Variants in NAALADL2 observed in about 807,000 individuals in gnomAD.
NAALADL2 encodes N-acetylated alpha-linked acidic dipeptidase like 2, also known as inactive N-acetylated-alpha-linked acidic dipeptidase-like protein 2.
A neutral mutation model predicts 87.2 loss-of-function variants in NAALADL2; 76 were observed. The ratio of observed to expected loss-of-function variants is 0.87; its 90% CI spans 0.72 to 1.05. The LOEUF (loss-of-function observed/expected upper bound fraction) is 1.05. NAALADL2 is among the 50% of genes least tolerant of loss of function. The pLI is 0.00. For synonymous variants in NAALADL2, 354 were observed against 331.0 expected (o/e 1.07, Z -0.75); for missense variants, 1,089 against 945.8 (o/e 1.15, Z -1.99).
chr3:174,828,104 G>T (rs377463879), intron 3 of NAALADL2, among the ~76,000 whole-genome samples: 1 of 152,100 alleles, frequency 6.6e-6, no homozygotes. Context: ...GATTGCTTGA[G>T]CCCAGGAATG....
chr3:174,974,998 A>G (rs1744187900), intron 1 of NAALADL2, among the ~76,000 whole-genome samples: 1 of 152,136 alleles, frequency 6.6e-6, no homozygotes, highest in African/African-American at 2.4e-5. Flanking sequence ...TTTTCTTTAC[A>G]GTCAATTTGT....
chr3:175,355,959 G>C (rs1021711567), intron 5 of NAALADL2, among the ~76,000 whole-genome samples: 2 of 152,138 alleles, frequency 1.3e-5, no homozygotes, highest in Non-Finnish European at 1.5e-5. Context: ...AGAATTATAA[G>C]CACAAGTAGG....
At chr3:174,847,817 A>AAT (rs200328557) in intron 3 of NAALADL2, among the ~76,000 whole-genome samples, 11 of 146,818 alleles carry the variant, frequency 7.5e-5, no homozygotes, top group Non-Finnish European at 9.0e-5. Flanking sequence ...AAAAAAAAAA[A>AAT]GCACATCCAT....
intron 13 of NAALADL2, among the ~76,000 whole-genome samples, chr3:175,770,445 AAAT>A (rs1448596315): frequency 6.6e-6 from 1 of 152,198 alleles, no homozygotes; most frequent in Non-Finnish European, 1.5e-5. Context: ...TTAAATGACT[AAAT>A]AATCTTGAGA....
At chr3:175,155,013 C>T (rs896733530) in intron 2 of NAALADL2, among the ~76,000 whole-genome samples, 4 of 152,082 alleles carry the variant, frequency 2.6e-5, no homozygotes, top group Non-Finnish European at 5.9e-5. Flanking sequence ...AAAAGGATTC[C>T]CTCAGATTTT....
intron 5 of NAALADL2, among the ~76,000 whole-genome samples, chr3:175,356,498 C>A (rs1051498808): frequency 1.3e-5 from 2 of 150,750 alleles, no homozygotes; most frequent in African/African-American, 4.9e-5. Context: ...TTGTTTGAGC[C>A]CAAGAGGTTG....
Position 174,819,429 on chromosome 3 carries a change from A to G in NAALADL2, c.-9+81683A>G, listed in dbSNP as rs548625301. On this transcript the variant is annotated intron_variant, in intron 3 of 3. Transcript: ENST00000434257. The stretch of plus-strand genomic sequence containing the variant: ...TTAAAATTTTTATAAACAATCAGCA[A>G]AAAAGCAATAATATATTAAAAGTAA... 2.0e-4 allele frequency among the ~76,000 whole-genome samples: 31 copies of G among 152,122 alleles called. No homozygotes were observed. In the South Asian group the frequency reaches 2.1e-3, roughly 10 times the overall value.
At chr3:174,601,712 G>A (rs900309778) in intron 2 of NAALADL2, among the ~76,000 whole-genome samples, 5 of 151,954 alleles carry the variant, frequency 3.3e-5, no homozygotes, top group African/African-American at 1.2e-4. Flanking sequence ...TCTTAAGAAG[G>A]TTTTGTCCAC....
At chr3:174,559,356 G>C (rs570042417) in intron 2 of NAALADL2, among the ~76,000 whole-genome samples, 43 of 152,282 alleles carry the variant, frequency 2.8e-4, no homozygotes, top group African/African-American at 9.1e-4. Context: ...ATATGCTTCA[G>C]AAGGAATTTG....
chr3:175,151,812 AAG>A (rs1418745956), intron 2 of NAALADL2, among the ~76,000 whole-genome samples: 4 of 152,336 alleles, frequency 2.6e-5, no homozygotes, highest in Non-Finnish European at 4.4e-5. Flanking sequence ...TAACAATAAA[AAG>A]AATAAATCAT....
intron 10 of NAALADL2, among the ~76,000 whole-genome samples, chr3:175,596,446 A>T (rs532011327): frequency 1.3e-5 from 2 of 152,144 alleles, no homozygotes; most frequent in Admixed American, 1.3e-4. Context: ...TATCCATTGT[A>T]AATATAGGAA....
intron 5 of NAALADL2, among the ~76,000 whole-genome samples, chr3:175,395,926 C>T (rs1157699310): frequency 6.6e-6 from 1 of 152,110 alleles, no homozygotes; most frequent in Non-Finnish European, 1.5e-5. Context: ...CTTCTAGTTC[C>T]TTTGTTACTT....
At chr3:174,787,604 T>TATATATATACATAC (rs1553855447) in intron 3 of NAALADL2, among the ~76,000 whole-genome samples, 1 of 87,944 alleles carries the variant, frequency 1.1e-5, no homozygotes, top group Non-Finnish European at 2.4e-5. Flanking sequence ...TATATATATA[T>TATATATATACATAC]ATATATATAT....
intron 4 of NAALADL2, among the ~76,000 whole-genome samples, chr3:175,269,828 C>G (rs1242043961): frequency 2.0e-5 from 3 of 152,172 alleles, no homozygotes; most frequent in Non-Finnish European, 4.4e-5. Flanking sequence ...GATAGCTTCT[C>G]TCAGTATTAG....
At chr3:174,880,288 A>T (rs529292376) in intron 1 of NAALADL2, among the ~76,000 whole-genome samples, 1 of 152,112 alleles carries the variant, frequency 6.6e-6, no homozygotes, top group Non-Finnish European at 1.5e-5. Context: ...GGCATTGCAC[A>T]TCTCAGTTGG....
At chr3:175,198,160 G>T (rs1739295821) in intron 2 of NAALADL2, among the ~76,000 whole-genome samples, 1 of 152,022 alleles carries the variant, frequency 6.6e-6, no homozygotes, top group South Asian at 2.1e-4. Context: ...TAACACAAGT[G>T]TTGAATATGC....
chr3:175,217,091 A>C (rs778163970), intron 2 of NAALADL2, among the ~76,000 whole-genome samples: 5 of 152,220 alleles, frequency 3.3e-5, no homozygotes, highest in Admixed American at 6.5e-5. Context: ...GGTGTTTTGC[A>C]TACTCTTGTT....
intron 3 of NAALADL2, among the ~76,000 whole-genome samples, chr3:175,245,490 G>A (rs1030118356): frequency 3.9e-5 from 6 of 152,118 alleles, no homozygotes; most frequent in African/African-American, 1.2e-4. Flanking sequence ...TGCATTATAT[G>A]TTAGATTGTA....
intron 2 of NAALADL2, among the ~76,000 whole-genome samples, chr3:174,647,682 ATCTAAATCCTCTTC>A (rs1283539054): frequency 3.3e-5 from 5 of 152,196 alleles, no homozygotes; most frequent in Non-Finnish European, 4.4e-5. Context: ...AGTGACAGAG[ATCTAAATCCTCTTC>A]TCTAGAATTG....
Sources: gnomAD v4.1 joint callset for allele counts (sites outside exome capture counted in the v4.1 genomes callset) on GRCh38, gnomAD v4.1.1 for gene constraint, MANE v1.5 for transcripts, NCBI Gene and HGNC (gene_info 2026-07-23, HGNC 2026-07-21) for gene names.